Variants in SGMS1 observed in about 807,000 individuals in gnomAD.
The protein encoded by SGMS1 is phosphatidylcholine:ceramide cholinephosphotransferase 1.
In SGMS1, 13 loss-of-function variants were observed where a neutral mutation model predicts 46.2. That is an observed-to-expected ratio of 0.28 (90% CI 0.18 to 0.45). The LOEUF is 0.45. Among genes scored for constraint, SGMS1 ranks in the 20% least tolerant of loss-of-function variants. The pLI is 1.00. For missense variants in SGMS1, 324 were observed against 519.9 expected (o/e 0.62, Z 3.66); for synonymous variants, 203 against 187.8 (o/e 1.08, Z -0.66).
At position 50,604,304 on chromosome 10, in the gene SGMS1, T is replaced by C. The variant is rs16906546; in HGVS notation, c.-683-14057A>G. On this transcript the variant is annotated intron_variant, in intron 1 of 10. Coordinates refer to ENST00000361781, the MANE Select transcript of SGMS1 (RefSeq NM_147156.4). ...GTAACAGGCTGCTCACCACCAGGGC[T>C]GAACCGTCGGTGAAATTTACATGTG... Among the ~76,000 whole-genome samples, 190 of 152,274 alleles carry C rather than the reference T, an allele frequency of 1.2e-3. 1 individual carries two copies. The highest frequency in any genetic ancestry group is 4.2e-3 in the African/African-American group (176 of 41,548).
chr10:50,321,555 A>G (rs887258187), intron 8 of SGMS1, among the ~76,000 whole-genome samples: 1 of 152,238 alleles, frequency 6.6e-6, no homozygotes, highest in Non-Finnish European at 1.5e-5. Context: ...CAGAAAAAAA[A>G]GAATTGAGAA....
intron 3 of SGMS1, among the ~76,000 whole-genome samples, chr10:50,481,901 T>A (rs566053141): frequency 1.3e-5 from 2 of 152,066 alleles, no homozygotes; most frequent in Admixed American, 1.3e-4. Flanking sequence ...AAGAGCCGAA[T>A]AGACCAGCAG....
At chr10:50,614,958 A>G (rs996390896) in intron 1 of SGMS1, among the ~76,000 whole-genome samples, 1 of 152,262 alleles carries the variant, frequency 6.6e-6, no homozygotes, top group African/African-American at 2.4e-5. Flanking sequence ...GCATGCAGTT[A>G]GCCATCAACA....
intron 2 of SGMS1, among the ~76,000 whole-genome samples, chr10:50,587,512 A>C (rs560589406): frequency 6.6e-6 from 1 of 152,282 alleles, no homozygotes; most frequent in East Asian, 1.9e-4. Flanking sequence ...ACGCACCTGT[A>C]ATCCCAGCTA....
rs556957284 is a variant in SGMS1 at position 50,512,210 on chromosome 10, C to T, written c.-498+7621G>A. Among the ~76,000 whole-genome samples the T allele has an allele frequency of 2.5e-3, 381 of 152,016 alleles. 2 individuals carry two copies. Among genetic ancestry groups the T allele is most frequent in the Non-Finnish European group, 4.2e-3 (287 of 67,986 alleles). The stretch of plus-strand genomic sequence containing the variant: ...ACTTGGGCACCTGAGAGAGGGCAGA[C>T]GCAGGACAGAAGGAGATGGTGTGAG... On this transcript the variant is annotated intron_variant, in intron 3 of 10. Coordinates refer to ENST00000361781, the MANE Select transcript of SGMS1 (RefSeq NM_147156.4).
intron 6 of SGMS1, among the ~76,000 whole-genome samples, chr10:50,409,106 CTTTTTA>C (rs1849062679): frequency 6.6e-6 from 1 of 152,054 alleles, no homozygotes; most frequent in Non-Finnish European, 1.5e-5. Context: ...TTTTCCTTTT[CTTTTTA>C]TTTTATTGAT....
chr10:50,561,098 G>A (rs1483955040), intron 2 of SGMS1, among the ~76,000 whole-genome samples: 1 of 152,162 alleles, frequency 6.6e-6, no homozygotes, highest in East Asian at 1.9e-4. Context: ...ACAATTGACA[G>A]AAACATAATA....
intron 1 of SGMS1, among the ~76,000 whole-genome samples, chr10:50,617,213 T>C (rs1476849521): frequency 2.0e-5 from 3 of 152,236 alleles, no homozygotes; most frequent in Non-Finnish European, 4.4e-5. Context: ...TGCCACTGAA[T>C]TATACACTTA....
At chr10:50,495,962 A>C (rs571924455) in intron 3 of SGMS1, among the ~76,000 whole-genome samples, 11 of 152,332 alleles carry the variant, frequency 7.2e-5, no homozygotes, top group Middle Eastern at 3.4e-3. Context: ...TTTTAAAGTC[A>C]TGTGCACGTA....
At chr10:50,494,933 G>A (rs574585210) in intron 3 of SGMS1, among the ~76,000 whole-genome samples, 6 of 151,416 alleles carry the variant, frequency 4.0e-5, no homozygotes, top group Non-Finnish European at 8.9e-5. Context: ...CTACTTGGGA[G>A]GCTGAGGCAG....
chr10:50,583,034 G>A (rs577477973), intron 2 of SGMS1, among the ~76,000 whole-genome samples: 3 of 152,218 alleles, frequency 2.0e-5, no homozygotes, highest in South Asian at 2.1e-4. Flanking sequence ...GCGTGCATGA[G>A]GCACTATTCT....
At chr10:50,334,004 G>A (rs1488803691) in intron 7 of SGMS1, among the ~76,000 whole-genome samples, 4 of 152,294 alleles carry the variant, frequency 2.6e-5, no homozygotes, top group African/African-American at 9.6e-5. Flanking sequence ...GTACTAGCCT[G>A]GAGCCAGAGA....
At chr10:50,404,965 G>T (rs1187535344) in intron 6 of SGMS1, among the ~76,000 whole-genome samples, 1 of 152,034 alleles carries the variant, frequency 6.6e-6, no homozygotes, top group South Asian at 2.1e-4. Context: ...GCTAAGGAAC[G>T]GTATGTATAT....
chr10:50,542,289 A>C (rs537592858), intron 2 of SGMS1, among the ~76,000 whole-genome samples: 4 of 152,356 alleles, frequency 2.6e-5, no homozygotes, highest in African/African-American at 9.6e-5. Flanking sequence ...TATTCTCCTT[A>C]AGATTATTTT....
chr10:50,569,843 ATGTCCCCTCC>A (rs1838322095), intron 2 of SGMS1, among the ~76,000 whole-genome samples: 1 of 152,144 alleles, frequency 6.6e-6, no homozygotes, highest in Admixed American at 6.5e-5. Flanking sequence ...TAAAGTCTTC[ATGTCCCCTCC>A]AAAGAAGCTG....
intron 8 of SGMS1, among the ~76,000 whole-genome samples, chr10:50,316,937 C>T (rs1275961029): frequency 6.6e-6 from 1 of 152,188 alleles, no homozygotes; most frequent in East Asian, 1.9e-4. Context: ...TAACAGCCCT[C>T]CTAACCGTGA....
In SGMS1 at chr10:50,445,503, A is replaced by C. The variant is rs565646644; in HGVS notation, c.-312-11947T>G. ...TTCATGGACATTTATTAGTTCCCCA[A>C]ATTAATACTTTTATAATTTCTTACG... On this transcript the variant is annotated intron_variant, in intron 5 of 10. Coordinates refer to ENST00000361781, the MANE Select transcript of SGMS1 (RefSeq NM_147156.4). 3.3e-5 allele frequency among the ~76,000 whole-genome samples: 5 copies of C among 152,234 alleles called. No individual in the cohort carries two copies. The East Asian group carries it at 9.6e-4, about 29-fold the overall frequency.
chr10:50,624,074 G>A, upstream of SGMS1: 1 of 985,276 alleles, frequency 1.0e-6, no homozygotes, highest in Non-Finnish European at 1.2e-6. Context: ...GTCCGCGGGG[G>A]GCTCCTCCCG....
At chr10:50,552,152 T>A (rs1276520631) in intron 2 of SGMS1, among the ~76,000 whole-genome samples, 1 of 152,176 alleles carries the variant, frequency 6.6e-6, no homozygotes, top group African/African-American at 2.4e-5. Flanking sequence ...AAGTCCAAAC[T>A]CCTCAGACAG....
Sources: gnomAD v4.1 joint callset for allele counts (sites outside exome capture counted in the v4.1 genomes callset) on GRCh38, gnomAD v4.1.1 for gene constraint, MANE v1.5 for transcripts, NCBI Gene and HGNC (gene_info 2026-07-23, HGNC 2026-07-21) for gene names.